The following LEMD1 variants were observed in gnomAD, a reference collection of about 807,000 sequenced individuals.
LEMD1 encodes LEM domain-containing protein 1.
LEMD1 carries 18 observed loss-of-function variants against 17.4 expected under a neutral mutation model. The ratio of observed to expected loss-of-function variants is 1.04; its 90% CI spans 0.72 to 1.54. The LOEUF (loss-of-function observed/expected upper bound fraction) is 1.54, where lower values mean the gene tolerates loss of function less well. LEMD1 is among the 40% of genes most tolerant of loss of function. The pLI, the probability that LEMD1 is intolerant of heterozygous loss-of-function variation, is 0.00. For synonymous variants in LEMD1, 88 were observed against 77.8 expected (o/e 1.13, Z -0.69); for missense variants, 195 against 210.4 (o/e 0.93, Z 0.45).
chr1:205,387,022 G>A (rs971902869), intron 4 of LEMD1: 7 of 152,038 alleles, frequency 4.6e-5, no homozygotes, highest in African/African-American at 1.7e-4. Flanking sequence ...AAATAGATAC[G>A]TGAAATAAAG....
intron 1 of LEMD1, among the ~76,000 whole-genome samples, chr1:205,432,531 C>T (rs550128060): frequency 3.5e-4 from 53 of 152,356 alleles, no homozygotes; most frequent in African/African-American, 1.3e-3. Flanking sequence ...AGGAAGCACT[C>T]ATGAAATTTC....
chr1:205,430,724 G>A (rs1666114058), intron 1 of LEMD1, among the ~76,000 whole-genome samples: 1 of 152,230 alleles, frequency 6.6e-6, no homozygotes, highest in Admixed American at 6.5e-5. Context: ...CTCAGCCGGG[G>A]GACCCCCAAG....
At chr1:205,425,931 A>G (rs1281025291), upstream of LEMD1, among the ~76,000 whole-genome samples, 1 of 150,908 alleles carries the variant, frequency 6.6e-6, no homozygotes, top group Non-Finnish European at 1.5e-5. Flanking sequence ...AATTTTTGAA[A>G]CTATGATACT....
chr1:205,395,200 C>T (rs866301588), intron 4 of LEMD1, among the ~76,000 whole-genome samples: 1 of 152,116 alleles, frequency 6.6e-6, no homozygotes, highest in Non-Finnish European at 1.5e-5. Context: ...AATTGTAAAA[C>T]ACCGATGGAA....
intron 4 of LEMD1, among the ~76,000 whole-genome samples, chr1:205,389,199 C>T (rs1239973633): frequency 6.6e-6 from 1 of 151,834 alleles, no homozygotes; most frequent in Non-Finnish European, 1.5e-5. Context: ...CAGGTGCATG[C>T]CACCATGCCT....
intron 4 of LEMD1, among the ~76,000 whole-genome samples, chr1:205,389,119 G>A (rs1664206246): frequency 1.5e-5 from 2 of 134,158 alleles, no homozygotes; most frequent in South Asian, 4.8e-4. Context: ...CACAATCTCG[G>A]CTCACTGCAA....
At chr1:205,445,951 T>TA (rs1666381697) in intron 1 of LEMD1, among the ~76,000 whole-genome samples, 2 of 152,142 alleles carry the variant, frequency 1.3e-5, no homozygotes, top group East Asian at 3.9e-4. Context: ...ACAAATACAA[T>TA]AAGAGAGAGT....
At chr1:205,413,372 C>T (rs1023917638) in intron 4 of LEMD1, among the ~76,000 whole-genome samples, 1 of 152,032 alleles carries the variant, frequency 6.6e-6, no homozygotes, top group Admixed American at 6.6e-5. Context: ...ACTGCAGCCT[C>T]GACATCCCAA....
chr1:205,410,059 AGCCACCG>A (rs577562641), intron 4 of LEMD1, among the ~76,000 whole-genome samples: 194 of 152,116 alleles, frequency 1.3e-3, no homozygotes, highest in African/African-American at 4.3e-3. Flanking sequence ...TACAGGCGTG[AGCCACCG>A]TGCCCAGCCC....
At chr1:205,432,136 A>G (rs1666133284) in intron 1 of LEMD1, among the ~76,000 whole-genome samples, 1 of 152,206 alleles carries the variant, frequency 6.6e-6, no homozygotes, top group South Asian at 2.1e-4. Flanking sequence ...TCTCTTTGGA[A>G]GAAGGGTAGG....
chr1:205,423,760 T>G (rs1387919743), upstream of LEMD1, among the ~76,000 whole-genome samples: 1 of 152,256 alleles, frequency 6.6e-6, no homozygotes, highest in African/African-American at 2.4e-5. Flanking sequence ...GTTTTATCTG[T>G]GCAGTCCTGA....
At chr1:205,414,410 C>A (rs1558731055) in intron 4 of LEMD1, among the ~76,000 whole-genome samples, 1 of 142,922 alleles carries the variant, frequency 7.0e-6, no homozygotes, top group East Asian at 2.2e-4. Context: ...GCGTGAGACC[C>A]CTGTCTCTAC....
chr1:205,411,790 A>G lies in LEMD1; in HGVS notation c.270+4442T>C, dbSNP rs569185891. Among the ~76,000 whole-genome samples, 4 of 152,358 alleles carry G rather than the reference A, an allele frequency of 2.6e-5. No homozygotes were observed. In the East Asian group the frequency reaches 5.8e-4, roughly 22 times the overall value. On this transcript the variant is annotated intron_variant, in intron 4 of 5. Coordinates refer to ENST00000367153, the MANE Select transcript of LEMD1 (RefSeq NM_001199050.2). ...CAGAATGTGCAGGATGGGTGGGAAGATGAGAAGAGAGCATGCAGGCTGGGA... is the reference window on the plus strand; with the variant it reads ...CAGAATGTGCAGGATGGGTGGGAAGGTGAGAAGAGAGCATGCAGGCTGGGA...
At chr1:205,449,623 C>T (rs1321538917) in intron 1 of LEMD1, among the ~76,000 whole-genome samples, 5 of 152,012 alleles carry the variant, frequency 3.3e-5, no homozygotes, top group Non-Finnish European at 4.4e-5. Context: ...GCACGCCCCT[C>T]CACACACTCC....
At chr1:205,418,011 C>G (rs887848278) in intron 3 of LEMD1, among the ~76,000 whole-genome samples, 1 of 151,956 alleles carries the variant, frequency 6.6e-6, no homozygotes, top group Non-Finnish European at 1.5e-5. Context: ...TGGAACTGTT[C>G]CAGGAGCTGG....
At chr1:205,422,074 C>A (rs1665981734), upstream of LEMD1, 1 of 152,230 alleles carries the variant, frequency 6.6e-6, no homozygotes, top group African/African-American at 2.4e-5. Flanking sequence ...CCACTAGCAA[C>A]CAGTCCCTTT....
upstream of LEMD1, among the ~76,000 whole-genome samples, chr1:205,424,495 C>T (rs1666030606): frequency 6.6e-6 from 1 of 152,132 alleles, no homozygotes; most frequent in African/African-American, 2.4e-5. Flanking sequence ...GTAGAGGAGA[C>T]TACAAAGATG....
At chr1:205,424,511 G>C (rs1208226094), upstream of LEMD1, among the ~76,000 whole-genome samples, 3 of 152,192 alleles carry the variant, frequency 2.0e-5, no homozygotes, top group Non-Finnish European at 2.9e-5. Context: ...AGATGCAAAA[G>C]CTATAGCCCC....
At chr1:205,384,653 A>G (rs1260481383) in intron 4 of LEMD1, among the ~76,000 whole-genome samples, 1 of 152,136 alleles carries the variant, frequency 6.6e-6, no homozygotes, top group Admixed American at 6.6e-5. Context: ...TATCAGCTCT[A>G]TTTTGCTTCT....
Sources: gnomAD v4.1 joint callset for allele counts (sites outside exome capture counted in the v4.1 genomes callset) on GRCh38, gnomAD v4.1.1 for gene constraint, MANE v1.5 for transcripts, NCBI Gene and HGNC (gene_info 2026-07-23, HGNC 2026-07-21) for gene names.